The following ZNF723 variants were observed in gnomAD, a reference collection of about 807,000 sequenced individuals.
ZNF723 encodes zinc finger protein 723, pseudogene.
ZNF723 carries 5 observed loss-of-function variants against 9.4 expected under a neutral mutation model. The ratio of observed to expected loss-of-function variants is 0.53; its 90% CI spans 0.28 to 1.12. ZNF723 has a LOEUF of 1.12. ZNF723 is among the 50% of genes most tolerant of loss of function. The pLI is 0.10. For synonymous variants in ZNF723, 158 were observed against 168.8 expected (o/e 0.94, Z 0.49); for missense variants, 450 against 501.5 (o/e 0.90, Z 0.98).
the ZNF723 span, among the ~76,000 whole-genome samples, chr19:22,816,399 T>C: frequency 2.1e-4 from 32 of 152,204 alleles, no homozygotes; most frequent in Non-Finnish European, 1.5e-4. Context: ...CTATGAGGCA[T>C]TGACTTCACT....
intron 1 of ZNF723, among the ~76,000 whole-genome samples, 175 bp downstream of exon 1, chr19:22,832,557 G>T (rs1180124690): frequency 6.6e-6 from 1 of 152,200 alleles, no homozygotes; most frequent in African/African-American, 2.4e-5. Flanking sequence ...TGTACTGACA[G>T]CCGGGCCCGA....
chr19:22,848,421 C>T, intron 2 of ZNF723, 34 bp downstream of exon 2: 1 of 1,278,876 alleles, frequency 7.8e-7, no homozygotes, highest in Non-Finnish European at 1.1e-6. Flanking sequence ...TCCTCAGATA[C>T]TGTAAATGTT....
intron 1 of ZNF723, among the ~76,000 whole-genome samples, chr19:22,844,275 A>G (rs1967281381): frequency 1.4e-5 from 2 of 144,404 alleles, no homozygotes; most frequent in South Asian, 2.1e-4. Context: ...TTGCTCCACT[A>G]GTCACACAAA....
In ZNF723 at chr19:22,851,150, G is replaced by A. The variant is rs1187801141; in HGVS notation, c.226+1857G>A. Among the ~76,000 whole-genome samples the A allele has an allele frequency of 6.3e-5, 9 of 142,024 alleles. No individual in the cohort carries two copies. The East Asian group carries it at 1.9e-3, about 30-fold the overall frequency. The allele number at this position is 142,024 out of a possible 152,430, so 93.2% of individuals were successfully genotyped here. On this transcript the variant is annotated intron_variant, in intron 3 of 3. Coordinates refer to ENST00000600766, the MANE Select transcript of ZNF723 (RefSeq NM_001349726.2). ...TGTCTCTATATTTACATTTAACAGA[G>A]AGCTATTTATTTATTTATTTATTTA...
the ZNF723 span, among the ~76,000 whole-genome samples, chr19:22,819,138 C>G: frequency 6.6e-6 from 1 of 152,198 alleles, no homozygotes; most frequent in Admixed American, 6.5e-5. Context: ...TCTGCTTTGG[C>G]CCTGCCCTCA....
intron 3 of ZNF723, among the ~76,000 whole-genome samples, chr19:22,853,155 G>T (rs7250801): frequency 0.21 from 31,959 of 151,904 alleles, 3,999 homozygotes; most frequent in African/African-American, 0.35. Flanking sequence ...TATATGTGCT[G>T]CATTCTCTTT....
intron 1 of ZNF723, among the ~76,000 whole-genome samples, chr19:22,841,581 C>A (rs531456768): frequency 6.6e-6 from 1 of 152,184 alleles, no homozygotes; most frequent in Non-Finnish European, 1.5e-5. Flanking sequence ...GCCAACCAAG[C>A]TTTACTCTAG....
intron 1 of ZNF723, among the ~76,000 whole-genome samples, chr19:22,847,962 G>A (rs12984374): frequency 0.2 from 30,199 of 151,532 alleles, 3,472 homozygotes; most frequent in African/African-American, 0.32. Context: ...TTAGCTGGGC[G>A]TGGTGGTGGG....
chr19:22,840,998 G>C (rs1967237525), intron 1 of ZNF723: 1 of 152,402 alleles, frequency 6.6e-6, no homozygotes, highest in Non-Finnish European at 1.5e-5. Flanking sequence ...CCAGCTATGA[G>C]CTTTGTGTTG....
At chr19:22,819,248 A>C in the ZNF723 span, among the ~76,000 whole-genome samples, 1 of 152,226 alleles carries the variant, frequency 6.6e-6, no homozygotes, top group Non-Finnish European at 1.5e-5. Flanking sequence ...CTCTGTGTCC[A>C]TCAACAATTT....
chr19:22,855,484 C>G (rs1967464468), intron 3 of ZNF723, among the ~76,000 whole-genome samples: 1 of 152,092 alleles, frequency 6.6e-6, no homozygotes, highest in Non-Finnish European at 1.5e-5. Flanking sequence ...CTGCCGTGGC[C>G]TCCCAAAATG....
Position 22,832,520 on chromosome 19 carries a change from A to G in ZNF723, c.3+138A>G. 3.0e-6 allele frequency: 3 copies of G among 990,500 alleles called. No homozygotes were observed. In the South Asian group the frequency reaches 4.1e-5, roughly 14 times the overall value. The allele number at this position is 990,500 out of a possible 1,614,324, so 61.4% of individuals were successfully genotyped here. On this transcript the variant is annotated intron_variant, in intron 1 of 3. Coordinates refer to ENST00000600766, the MANE Select transcript of ZNF723 (RefSeq NM_001349726.2). ...CGGAGTTCTAGCCTGGCCCGGCCTC[A>G]GACACCTTCAGCGATAAGATGGCGG...
chr19:22,829,600 G>T (rs1967073027), upstream of ZNF723, among the ~76,000 whole-genome samples: 1 of 152,098 alleles, frequency 6.6e-6, no homozygotes, highest in Non-Finnish European at 1.5e-5. Context: ...GTACATTTTT[G>T]ATGACAACAG....
chr19:22,813,029 G>A, the ZNF723 span, among the ~76,000 whole-genome samples: 296 of 152,036 alleles, frequency 1.9e-3, 1 homozygote, highest in African/African-American at 6.7e-3. Flanking sequence ...GCTGGAGTAC[G>A]GTGTCATGAT....
intron 1 of ZNF723, among the ~76,000 whole-genome samples, chr19:22,843,943 G>C (rs12980225): frequency 0.22 from 34,011 of 151,984 alleles, 4,758 homozygotes; most frequent in African/African-American, 0.4. Context: ...CTGGAAATAC[G>C]CCAGTGGCAC....
upstream of ZNF723, among the ~76,000 whole-genome samples, chr19:22,828,242 G>T (rs546710194): frequency 2.0e-5 from 3 of 152,264 alleles, no homozygotes; most frequent in East Asian, 3.9e-4. Context: ...ACCATAACCT[G>T]TGAATAACAT....
chr19:22,831,393 A>G (rs113770398), upstream of ZNF723, among the ~76,000 whole-genome samples: 32 of 150,252 alleles, frequency 2.1e-4, no homozygotes, highest in African/African-American at 7.1e-4. Flanking sequence ...CTTGTCTTTA[A>G]TAAGAATATA....
At chr19:22,837,586 C>G (rs927959335) in intron 1 of ZNF723, among the ~76,000 whole-genome samples, 1 of 152,072 alleles carries the variant, frequency 6.6e-6, no homozygotes, top group Non-Finnish European at 1.5e-5. Context: ...GTACACAGGC[C>G]GTCACACTGC....
the ZNF723 span, among the ~76,000 whole-genome samples, chr19:22,825,073 T>C: frequency 6.6e-6 from 1 of 152,160 alleles, no homozygotes; most frequent in Non-Finnish European, 1.5e-5. Flanking sequence ...CACCCAAATG[T>C]AAAAGTTGTC....
Sources: allele counts gnomAD v4.1 joint callset (sites outside exome capture counted in the v4.1 genomes callset), GRCh38; gene constraint gnomAD v4.1.1; transcripts MANE v1.5; gene names NCBI Gene and HGNC (gene_info 2026-07-23, HGNC 2026-07-21).